The following BACH1 variants were observed in gnomAD, a reference collection of about 807,000 sequenced individuals.
The protein encoded by BACH1 is transcription regulator protein BACH1.
In BACH1, 35 loss-of-function variants were observed where a neutral mutation model predicts 52.9. The observed-to-expected ratio is 0.66, with a 90% CI of 0.51 to 0.88. The LOEUF is 0.88. BACH1 is among the 40% of genes least tolerant of loss of function. BACH1 has a pLI of 0.00. For synonymous variants in BACH1, 321 were observed against 319.6 expected (o/e 1.00, Z -0.05); for missense variants, 808 against 872.6 (o/e 0.93, Z 0.93).
chr21:29,300,747 T>C (rs2088594390), intron 1 of BACH1: 1 of 152,242 alleles, frequency 6.6e-6, no homozygotes, highest in Non-Finnish European at 1.5e-5. Context: ...AAAATTTGGT[T>C]ATGAGTACAC....
At chr21:29,316,579 A>T (rs73897763) in intron 1 of BACH1, among the ~76,000 whole-genome samples, 1 of 152,148 alleles carries the variant, frequency 6.6e-6, no homozygotes, top group African/African-American at 2.4e-5. Context: ...TGCATGATGG[A>T]TGTTAGAGGA....
chr21:29,337,700 C>CGGGTGGGG (rs2089060768), intron 4 of BACH1, among the ~76,000 whole-genome samples: 1 of 151,912 alleles, frequency 6.6e-6, no homozygotes, highest in African/African-American at 2.4e-5. Flanking sequence ...GGCCTGTCGT[C>CGGGTGGGG]GGGTGGGGGA....
At chr21:29,310,936 G>T (rs1210426838) in intron 1 of BACH1, among the ~76,000 whole-genome samples, 2 of 152,134 alleles carry the variant, frequency 1.3e-5, no homozygotes, top group Non-Finnish European at 2.9e-5. Flanking sequence ...GGTATAAGGA[G>T]GGTCAATAAA....
In BACH1 at chr21:29,358,807, AAAGAAAG is replaced by A. The variant is rs755617707; in HGVS notation, c.472+29124_472+29130del. ...GAAAGAAAGAAAGAAAGAAAGAAAGAAAGAAAGAAGAAAGAAAGAAATGTAAAAAGTG... is the reference window on the plus strand; with the variant it reads ...GAAAGAAAGAAAGAAAGAAAGAAAGAAAGAAAGAAAGAAATGTAAAAAGTG... On this transcript the variant is annotated intron_variant, in intron 2 of 4. Transcript: ENST00000422809. 3.8e-4 allele frequency among the ~76,000 whole-genome samples: 51 copies of A among 133,382 alleles called. No individual in the cohort carries two copies. In the East Asian group the frequency reaches 4.0e-3, roughly 10 times the overall value. 87.5% of individuals were successfully genotyped at this position (133,382 alleles called of 152,430 possible).
At chr21:29,358,774 G>GAAAAGA (rs150670774) in intron 2 of BACH1, among the ~76,000 whole-genome samples, 21 of 72,356 alleles carry the variant, frequency 2.9e-4, no homozygotes, top group South Asian at 4.4e-4. Context: ...GAAAAGAAAA[G>GAAAAGA]AAAGAAAGAA....
At chr21:29,322,953 A>C (rs1025822316) in intron 2 of BACH1, among the ~76,000 whole-genome samples, 3 of 152,246 alleles carry the variant, frequency 2.0e-5, no homozygotes, top group Non-Finnish European at 4.4e-5. Flanking sequence ...CAAGTAAAGC[A>C]AAGTTTGATT....
chr21:29,356,743 G>A (rs1295630896), intron 2 of BACH1, among the ~76,000 whole-genome samples: 4 of 152,250 alleles, frequency 2.6e-5, no homozygotes, highest in African/African-American at 9.6e-5. Flanking sequence ...AGGTGATATT[G>A]GAGTGTTACA....
chr21:29,355,559 C>T (rs183136442), intron 2 of BACH1, among the ~76,000 whole-genome samples: 18 of 152,304 alleles, frequency 1.2e-4, no homozygotes, highest in African/African-American at 3.4e-4. Flanking sequence ...AGAAGGGTCC[C>T]TGCAGTTGCA....
At chr21:29,330,322 G>A (rs1042291291) in intron 4 of BACH1, among the ~76,000 whole-genome samples, 3 of 151,816 alleles carry the variant, frequency 2.0e-5, no homozygotes, top group African/African-American at 7.3e-5. Flanking sequence ...CTGCCACTGC[G>A]CCTGGCTAAT....
intron 2 of BACH1, among the ~76,000 whole-genome samples, chr21:29,355,876 C>T (rs141258246): frequency 7.9e-5 from 12 of 152,266 alleles, no homozygotes; most frequent in Non-Finnish European, 1.5e-4. Flanking sequence ...TTCCTGTAAG[C>T]GCCAGGTGGC....
At chr21:29,316,900 C>A (rs775571062) in intron 1 of BACH1, among the ~76,000 whole-genome samples, 4 of 152,162 alleles carry the variant, frequency 2.6e-5, no homozygotes, top group Admixed American at 1.3e-4. Context: ...AAGAAATTTT[C>A]TCTGAATGCT....
chr21:29,330,099 G>A (rs2088963112), intron 4 of BACH1, among the ~76,000 whole-genome samples: 1 of 152,166 alleles, frequency 6.6e-6, no homozygotes, highest in Non-Finnish European at 1.5e-5. Context: ...GATAGATATG[G>A]TGATATGAAT....
intron 1 of BACH1, among the ~76,000 whole-genome samples, chr21:29,318,793 C>G (rs1438850522): frequency 6.6e-6 from 1 of 152,268 alleles, no homozygotes; most frequent in East Asian, 1.9e-4. Flanking sequence ...ATTTCCGTTT[C>G]TAAGGCCCAG....
intron 4 of BACH1, among the ~76,000 whole-genome samples, chr21:29,341,585 A>G (rs1195400693): frequency 6.6e-6 from 1 of 152,180 alleles, no homozygotes. Context: ...TCTGTGGTAG[A>G]CTTTCTTATA....
rs754204780 is a variant in BACH1, at chr21:29,327,296, C to G, written c.1472C>G (p.Pro491Arg). The change falls in exon 3 of 5, where the codon CCT becomes CGT. Residue 491 changes from proline to arginine, a missense_variant. Transcript: ENST00000286800. ...TATGTTTCAGAACCCCAGCAAGAAC[C>G]TTGCCCATATGCTTGTGTCATTAGC... ...DDYVSEPQQE[P>R]CPYACVISLG... 4 of 1,614,072 alleles carry G rather than the reference C, an allele frequency of 2.5e-6. No homozygotes were observed. The South Asian group carries it at 4.4e-5, about 18-fold the overall frequency.
chr21:29,321,594 C>A, intron 2 of BACH1, 80 bp downstream of exon 2: 1 of 1,303,948 alleles, frequency 7.7e-7, no homozygotes. Context: ...AAATAAAGCA[C>A]AGTCTCCTTG....
At chr21:29,305,801 C>T (rs147221568) in intron 1 of BACH1, among the ~76,000 whole-genome samples, 220 of 152,290 alleles carry the variant, frequency 1.4e-3, no homozygotes, top group African/African-American at 5.1e-3. Flanking sequence ...AAATTCATGT[C>T]AATATTTGTG....
intron 4 of BACH1, among the ~76,000 whole-genome samples, chr21:29,342,046 T>C (rs575259017): frequency 6.6e-6 from 1 of 152,352 alleles, no homozygotes; most frequent in Admixed American, 6.5e-5. Flanking sequence ...GACATTAGAC[T>C]ACATAGTCTT....
At chr21:29,324,107 C>T (rs557719570) in intron 2 of BACH1, among the ~76,000 whole-genome samples, 3 of 151,916 alleles carry the variant, frequency 2.0e-5, no homozygotes, top group Non-Finnish European at 4.4e-5. Flanking sequence ...CAAAAATTAG[C>T]CAGGCGTGGT....
Sources: allele counts gnomAD v4.1 joint callset (sites outside exome capture counted in the v4.1 genomes callset), GRCh38; gene constraint gnomAD v4.1.1; transcripts MANE v1.5; gene names NCBI Gene and HGNC (gene_info 2026-07-23, HGNC 2026-07-21).